SVOPL: variants seen among roughly 807,000 people sequenced by gnomAD.
SVOPL encodes the protein SVOP like.
A neutral mutation model predicts 61.0 loss-of-function variants in SVOPL; 60 were observed. That is an observed-to-expected ratio of 0.98 (90% CI 0.80 to 1.22). The LOEUF is 1.22. SVOPL is among the 50% of genes most tolerant of loss of function. The pLI is 0.00. For missense variants in SVOPL, 662 were observed against 643.9 expected (o/e 1.03, Z -0.30); for synonymous variants, 279 against 250.0 (o/e 1.12, Z -1.09).
chr7:138,672,656 TA>T (rs35593361), intron 3 of SVOPL, among the ~76,000 whole-genome samples: 1,371 of 118,808 alleles, frequency 0.012, 13 homozygotes, highest in African/African-American at 0.025. Context: ...TTTTTGTGTT[TA>T]AAAAAAAAAA....
At position 138,621,894 on chromosome 7, in the gene SVOPL, C is replaced by CTATG. The variant is rs1563095653; in HGVS notation, c.1264-760_1264-759insCATA. ...TCTATCTATCTATCTATCTATCTAT[C>CTATG]TATCTATCTATGTATCTATCTATGT... On this transcript the variant is annotated intron_variant, in intron 13 of 15. Transcript: ENST00000674285. Among the ~76,000 whole-genome samples, 27 of 43,488 alleles carry CTATG rather than the reference C, an allele frequency of 6.2e-4. 1 individual carries two copies. Among genetic ancestry groups the CTATG allele is most frequent in the African/African-American group, 6.9e-4 (9 of 13,104 alleles). 28.5% of individuals were successfully genotyped at this position (43,488 alleles called of 152,430 possible). A position where few individuals can be genotyped will look rare whatever the true frequency, so the allele number is the denominator to read the frequency against.
At chr7:138,602,499 A>G (rs1290041066) in intron 14 of SVOPL, among the ~76,000 whole-genome samples, 1 of 150,578 alleles carries the variant, frequency 6.6e-6, no homozygotes, top group African/African-American at 2.5e-5. Context: ...GTTTATACAC[A>G]GACATGTCTA....
intron 9 of SVOPL, among the ~76,000 whole-genome samples, chr7:138,643,282 G>A (rs930683327): frequency 1.6e-4 from 24 of 152,030 alleles, no homozygotes; most frequent in Admixed American, 6.6e-5. Context: ...AAAATTAGCT[G>A]GGCATGGTGG....
chr7:138,689,515 C>T, intron 1 of SVOPL: 1 of 653,080 alleles, frequency 1.5e-6, no homozygotes, highest in Admixed American at 2.4e-5. Flanking sequence ...AAACTTATGA[C>T]ACGAGAGTAA....
At chr7:138,616,695 C>T (rs1799318357) in intron 14 of SVOPL, among the ~76,000 whole-genome samples, 1 of 152,136 alleles carries the variant, frequency 6.6e-6, no homozygotes, top group Non-Finnish European at 1.5e-5. Context: ...GGACTACATA[C>T]TCATGACTAC....
intron 4 of SVOPL, among the ~76,000 whole-genome samples, chr7:138,664,749 G>A (rs1037686282): frequency 8.2e-5 from 12 of 146,430 alleles, no homozygotes; most frequent in Non-Finnish European, 3.0e-5. Context: ...CCTCTCTTGC[G>A]CCCTTCCCCC....
In SVOPL at chr7:138,609,375, G is replaced by A. The variant is rs544548361; in HGVS notation, c.1353+11671C>T. The stretch of plus-strand genomic sequence containing the variant: ...TAAAAATGTAAGCACAGCTGGGCCC[G>A]ATGGCTCACGCCTGTAATCCCAGCA... On this transcript the variant is annotated intron_variant, in intron 14 of 15. Coordinates refer to ENST00000674285, the MANE Select transcript of SVOPL (RefSeq NM_001139456.2). Among the ~76,000 whole-genome samples, 5 of 151,652 alleles carry A rather than the reference G, an allele frequency of 3.3e-5. No individual in the cohort carries two copies. In the South Asian group the frequency reaches 6.3e-4, roughly 19 times the overall value.
intron 7 of SVOPL, among the ~76,000 whole-genome samples, chr7:138,655,193 AAAAAG>A (rs1050623141): frequency 4.6e-5 from 7 of 151,376 alleles, no homozygotes; most frequent in South Asian, 2.1e-4. Context: ...CTGTCTCAAA[AAAAAG>A]AAAAGAAAAG....
intron 4 of SVOPL, among the ~76,000 whole-genome samples, chr7:138,668,954 G>A (rs575408596): frequency 6.6e-6 from 1 of 152,268 alleles, no homozygotes; most frequent in South Asian, 2.1e-4. Flanking sequence ...AGGATTTTGA[G>A]CACCTGGGCT....
chr7:138,608,408 A>G (rs553016659), intron 14 of SVOPL, among the ~76,000 whole-genome samples: 2 of 152,368 alleles, frequency 1.3e-5, no homozygotes, highest in Admixed American at 6.5e-5. Flanking sequence ...AAATAGGCCA[A>G]TTGCGGGAAC....
At chr7:138,629,061 TA>T (rs1010623482) in intron 10 of SVOPL, among the ~76,000 whole-genome samples, 1 of 151,626 alleles carries the variant, frequency 6.6e-6, no homozygotes, top group Non-Finnish European at 1.5e-5. Context: ...TTTAAAAACT[TA>T]AAAAACTGGG....
chr7:138,668,622 A>G (rs1194365414), intron 4 of SVOPL, among the ~76,000 whole-genome samples: 1 of 152,206 alleles, frequency 6.6e-6, no homozygotes, highest in African/African-American at 2.4e-5. Context: ...AATACCATGC[A>G]TTATCTGAGA....
chr7:138,622,242 C>G (rs113697564), intron 13 of SVOPL, among the ~76,000 whole-genome samples: 3,873 of 84,100 alleles, frequency 0.046, 334 homozygotes, highest in East Asian at 0.24. Context: ...ATGTATCTAT[C>G]TATCTATCTA....
chr7:138,643,027 T>C (rs1800905345), intron 9 of SVOPL, among the ~76,000 whole-genome samples: 1 of 151,986 alleles, frequency 6.6e-6, no homozygotes, highest in Non-Finnish European at 1.5e-5. Flanking sequence ...TGTAAAATGG[T>C]TCAGCTGCTG....
intron 3 of SVOPL, among the ~76,000 whole-genome samples, chr7:138,672,827 A>C (rs1004005301): frequency 6.6e-6 from 1 of 151,688 alleles, no homozygotes; most frequent in Non-Finnish European, 1.5e-5. Context: ...AATGCTACTA[A>C]ATATTTCTTT....
chr7:138,609,513 G>T (rs1024876476), intron 14 of SVOPL, among the ~76,000 whole-genome samples: 21 of 147,020 alleles, frequency 1.4e-4, no homozygotes, highest in African/African-American at 5.4e-4. Flanking sequence ...AAAAAAAATA[G>T]CAGGGTGTGG....
chr7:138,603,343 A>G (rs1798609876), intron 14 of SVOPL, among the ~76,000 whole-genome samples: 3 of 152,214 alleles, frequency 2.0e-5, no homozygotes, highest in Admixed American at 6.5e-5. Context: ...TGTACTGATC[A>G]ATGTATAACC....
intron 9 of SVOPL, among the ~76,000 whole-genome samples, chr7:138,634,304 G>A (rs1198497772): frequency 2.6e-5 from 4 of 151,856 alleles, no homozygotes; most frequent in African/African-American, 9.7e-5. Context: ...GCCAGGATTT[G>A]AGACCAGCCT....
chr7:138,629,901 T>C (rs556053745), intron 10 of SVOPL, 148 bp downstream of exon 10: 596 of 642,890 alleles, frequency 9.3e-4, no homozygotes, highest in Non-Finnish European at 1.4e-3. Context: ...TGGTGGTGTT[T>C]GTAGAAAGAC....
Sources: gnomAD v4.1 joint callset for allele counts (sites outside exome capture counted in the v4.1 genomes callset) on GRCh38, gnomAD v4.1.1 for gene constraint, MANE v1.5 for transcripts, NCBI Gene and HGNC (gene_info 2026-07-23, HGNC 2026-07-21) for gene names.